ACVR1: variants seen among roughly 807,000 people sequenced by gnomAD.
ACVR1 encodes activin A receptor type 1.
In ACVR1, 38 loss-of-function variants were observed where a neutral mutation model predicts 57.1. The ratio of observed to expected loss-of-function variants is 0.67; its 90% CI spans 0.51 to 0.87. The LOEUF is 0.87. Ranked by LOEUF, ACVR1 falls within the 40% of genes least tolerant of loss-of-function variation. The probability of loss-of-function intolerance (pLI) is 0.00; values close to 1 mark genes in which losing one functional copy is unlikely to be tolerated. For synonymous variants in ACVR1, 212 were observed against 228.1 expected (o/e 0.93, Z 0.63); for missense variants, 463 against 638.2 (o/e 0.73, Z 2.96).
chr2:157,831,804 T>C (rs75946571), intron 1 of ACVR1, among the ~76,000 whole-genome samples: 2,369 of 152,314 alleles, frequency 0.016, 75 homozygotes, highest in African/African-American at 0.053. Flanking sequence ...TAGTCTTACA[T>C]GCTAATAGTT....
intron 1 of ACVR1, among the ~76,000 whole-genome samples, chr2:157,819,937 T>C (rs7558229): frequency 0.085 from 12,996 of 152,194 alleles, 1,513 homozygotes; most frequent in African/African-American, 0.27. Context: ...CCTTTTTTTT[T>C]AACCTCAAGG....
chr2:157,738,750 A>G (rs1465609280), intron 9 of ACVR1, among the ~76,000 whole-genome samples, 180 bp from the exon 10 acceptor site: 1 of 152,242 alleles, frequency 6.6e-6, no homozygotes, highest in African/African-American at 2.4e-5. Flanking sequence ...GAAAAAGGCA[A>G]TAAATACACA....
chr2:157,840,054 C>T (rs980979378), intron 1 of ACVR1, among the ~76,000 whole-genome samples: 2 of 152,172 alleles, frequency 1.3e-5, no homozygotes, highest in Non-Finnish European at 2.9e-5. Flanking sequence ...CAGAGTGACT[C>T]TTGGGATTTT....
chr2:157,777,766 G>C (rs946366165), intron 5 of ACVR1, among the ~76,000 whole-genome samples: 1 of 152,122 alleles, frequency 6.6e-6, no homozygotes, highest in Non-Finnish European at 1.5e-5. Context: ...AGCAAAAGGT[G>C]CCTTTTTAAA....
intron 1 of ACVR1, among the ~76,000 whole-genome samples, chr2:157,871,568 G>A (rs535793569): frequency 6.6e-6 from 1 of 152,314 alleles, no homozygotes; most frequent in South Asian, 2.1e-4. Context: ...CAAATACCCA[G>A]AGTCAACAAT....
intron 2 of ACVR1, among the ~76,000 whole-genome samples, chr2:157,817,616 G>A (rs1687987343): frequency 6.6e-6 from 1 of 152,138 alleles, no homozygotes; most frequent in Admixed American, 6.5e-5. Flanking sequence ...TAGGGGAGGT[G>A]TTGGGGAGAT....
At chr2:157,811,022 C>T (rs1166993405) in intron 2 of ACVR1, among the ~76,000 whole-genome samples, 1 of 152,194 alleles carries the variant, frequency 6.6e-6, no homozygotes, top group Admixed American at 6.5e-5. Context: ...ATCCCCCACC[C>T]TCCAGCAAAT....
At chr2:157,807,882 G>C (rs560554984) in intron 2 of ACVR1, among the ~76,000 whole-genome samples, 71 of 124,374 alleles carry the variant, frequency 5.7e-4, no homozygotes, top group South Asian at 2.9e-3. Context: ...TAAGATGAAA[G>C]GAATGTCAAG....
Position 157,737,261 on chromosome 2 carries a change from C to T in ACVR1, c.*270G>A, listed in dbSNP as rs1432394455. 5.7e-6 allele frequency: 3 copies of T among 530,262 alleles called. No individual in the cohort carries two copies. Among genetic ancestry groups the T allele is most frequent in the East Asian group, 6.8e-5 (2 of 29,282 alleles). The allele number at this position is 530,262 out of a possible 1,614,324, so 32.8% of individuals were successfully genotyped here. A position where few individuals can be genotyped will look rare whatever the true frequency, so the allele number is the denominator to read the frequency against. ...CTTTTAGGATTTCTCTGTGTTCCTC[C>T]AGTCCCTACCTTTGCAACAGTGTCT... is the stretch of plus-strand genomic sequence containing the variant. On this transcript the variant is annotated 3_prime_UTR_variant, in exon 11 of 11. Transcript: ENST00000434821.
At chr2:157,831,231 A>G (rs2105344690) in intron 1 of ACVR1, among the ~76,000 whole-genome samples, 1 of 152,382 alleles carries the variant, frequency 6.6e-6, no homozygotes, top group African/African-American at 2.4e-5. Context: ...AATAAGCATG[A>G]AAAAGGTAAC....
rs1448059831 is a variant in ACVR1 at position 157,760,798 on chromosome 2, A to G, written c.1264+82T>C. The stretch of plus-strand genomic sequence containing the variant: ...CGATTCAAAGAACAATGTGAATTTC[A>G]ATAGTCCCTTCAGCCCTTTTAAAGG... On this transcript the variant is annotated intron_variant, in intron 9 of 10. Coordinates refer to ENST00000434821, the MANE Select transcript of ACVR1 (RefSeq NM_001111067.4). 6 of 1,345,786 alleles carry G rather than the reference A, an allele frequency of 4.5e-6. No individual in the cohort carries two copies. In the Admixed American group the frequency reaches 1.1e-4, roughly 24 times the overall value. 83.4% of individuals were successfully genotyped at this position (1,345,786 alleles called of 1,614,324 possible).
chr2:157,825,703 A>T (rs531473626), intron 1 of ACVR1, among the ~76,000 whole-genome samples: 14 of 152,338 alleles, frequency 9.2e-5, no homozygotes, highest in African/African-American at 3.1e-4. Flanking sequence ...CATCCGTAGA[A>T]AAAATGTCTT....
chr2:157,737,658 G>C lies in ACVR1; in HGVS notation c.1403C>G (p.Thr468Ser), dbSNP rs145780526. The C allele has an allele frequency of 6.2e-7, 1 of 1,613,974 alleles. No individual in the cohort carries two copies. The highest frequency in any genetic ancestry group is 8.5e-7 in the Non-Finnish European group (1 of 1,179,970). ...PNRWFSDPTLTSLAKLMKECW... is the reference protein window; with the variant it reads ...PNRWFSDPTLSSLAKLMKECW... The stretch of plus-strand genomic sequence containing the variant: ...TTCTTTCATTAGCTTGGCCAGAGAG[G>C]TTAATGTCTGAGGAGAGAAAGAACA... The change falls in exon 11 of 11, where the codon ACC (threonine) becomes AGC (serine). Residue 468 changes from threonine (T) to serine (S), a missense_variant. By Grantham distance (58) the Thr-to-Ser change is moderately conservative. Around this residue, in one of 3 missense-constraint regions of ACVR1, gnomAD observed 146 missense variants for 186.6 expected, o/e 0.78. Coordinates refer to ENST00000434821, the MANE Select transcript of ACVR1 (RefSeq NM_001111067.4).
chr2:157,859,248 G>C (rs566513543), intron 1 of ACVR1, among the ~76,000 whole-genome samples: 1 of 152,346 alleles, frequency 6.6e-6, no homozygotes, highest in African/African-American at 2.4e-5. Context: ...ATGGTGACGA[G>C]AGTGACCTCT....
rs1021759015 is a variant in ACVR1 at position 157,808,737 on chromosome 2, A to G, written c.-7-9237T>C. On this transcript the variant is annotated intron_variant, in intron 2 of 10. Coordinates refer to ENST00000434821, the MANE Select transcript of ACVR1 (RefSeq NM_001111067.4). The stretch of plus-strand genomic sequence containing the variant: ...ATTATCTCCCCTGAAGGCTTCTAAC[A>G]TTTATTGACGCTATTTGGAAAGCCA... Among the ~76,000 whole-genome samples the G allele has an allele frequency of 2.0e-5, 3 of 152,160 alleles. No homozygotes were observed. The East Asian group carries it at 5.8e-4, about 29-fold the overall frequency.
intron 9 of ACVR1, among the ~76,000 whole-genome samples, chr2:157,741,023 T>G (rs1436267640): frequency 6.6e-6 from 1 of 152,176 alleles, no homozygotes; most frequent in Admixed American, 6.5e-5. Flanking sequence ...ATAAATCAGT[T>G]GAAAGTGCAT....
intron 3 of ACVR1, among the ~76,000 whole-genome samples, chr2:157,788,994 T>C (rs1686813447): frequency 6.6e-6 from 1 of 152,204 alleles, no homozygotes; most frequent in South Asian, 2.1e-4. Context: ...CCTTTATAAC[T>C]TGATCTTTGC....
chr2:157,826,672 A>G (rs1171511020), intron 1 of ACVR1: 5 of 147,578 alleles, frequency 3.4e-5, no homozygotes, highest in African/African-American at 1.0e-4. Flanking sequence ...AAAAAGAAAC[A>G]AAAGAAAAGA....
chr2:157,819,830 C>A (rs1450671426), intron 1 of ACVR1, among the ~76,000 whole-genome samples: 2 of 152,150 alleles, frequency 1.3e-5, no homozygotes, highest in Non-Finnish European at 2.9e-5. Flanking sequence ...CAACATTTGC[C>A]AAAGGAAGAG....
Sources: gnomAD v4.1 joint callset for allele counts (sites outside exome capture counted in the v4.1 genomes callset) on GRCh38, gnomAD v4.1.1 for gene constraint, gnomAD v4.1.1 regional missense constraint, MANE v1.5 for transcripts, NCBI Gene and HGNC (gene_info 2026-07-23, HGNC 2026-07-21) for gene names.